ONECUT1: variants seen among roughly 807,000 people sequenced by gnomAD.
ONECUT1 encodes the protein one cut homeobox 1.
Under a neutral mutation model 25.6 loss-of-function variants are expected in ONECUT1, and 12 were observed. The observed-to-expected ratio is 0.47, with a 90% CI of 0.30 to 0.76. The LOEUF is 0.76. Among genes scored for constraint, ONECUT1 ranks in the 30% least tolerant of loss-of-function variants. The pLI is 0.07. For missense variants in ONECUT1, 620 were observed against 651.2 expected, an observed-to-expected ratio of 0.95 and a Z score of 0.52; for synonymous variants, 285 against 270.2, an observed-to-expected ratio of 1.05 and a Z score of -0.54.
At chr15:52,782,956 T>C (rs2083850804) in intron 1 of ONECUT1, among the ~76,000 whole-genome samples, 1 of 152,226 alleles carries the variant, frequency 6.6e-6, no homozygotes, top group Admixed American at 6.5e-5. Flanking sequence ...ACTTGAGGAT[T>C]TTCTGTCTTA....
chr15:52,764,367 C>T (rs1435624326), intron 1 of ONECUT1, among the ~76,000 whole-genome samples: 1 of 152,154 alleles, frequency 6.6e-6, no homozygotes, highest in African/African-American at 2.4e-5. Context: ...CACATTCAAA[C>T]CAGAGCAAAT....
intron 1 of ONECUT1, among the ~76,000 whole-genome samples, chr15:52,762,940 G>T (rs904641042): frequency 6.6e-6 from 1 of 152,056 alleles, no homozygotes; most frequent in Non-Finnish European, 1.5e-5. Flanking sequence ...ACCCCCAATT[G>T]GAGGTTATGA....
At chr15:52,775,452 A>AACACACACACAC (rs139797470) in intron 1 of ONECUT1, among the ~76,000 whole-genome samples, 40 of 141,034 alleles carry the variant, frequency 2.8e-4, no homozygotes, top group Middle Eastern at 3.7e-3. Context: ...TTTAAAGAGG[A>AACACACACACAC]ACACACACAC....
intron 1 of ONECUT1, among the ~76,000 whole-genome samples, chr15:52,777,739 A>ACAAAAAAAAAAAC (rs1566992423): frequency 8.6e-6 from 1 of 116,060 alleles, no homozygotes. Flanking sequence ...CACACACACA[A>ACAAAAAAAAAAAC]AAAAACATGT....
intron 1 of ONECUT1, among the ~76,000 whole-genome samples, chr15:52,772,539 C>T (rs1374822010): frequency 1.3e-5 from 2 of 152,076 alleles, no homozygotes; most frequent in African/African-American, 2.4e-5. Context: ...AGCTTTTTAG[C>T]GCTAATTGAC....
intron 1 of ONECUT1, among the ~76,000 whole-genome samples, chr15:52,769,641 G>A (rs1260293214): frequency 2.0e-5 from 3 of 152,194 alleles, no homozygotes; most frequent in African/African-American, 7.2e-5. Flanking sequence ...GACAGGTAAG[G>A]AGCAGACTAG....
At chr15:52,785,060 C>A (rs544746568) in intron 1 of ONECUT1, among the ~76,000 whole-genome samples, 1 of 152,352 alleles carries the variant, frequency 6.6e-6, no homozygotes, top group African/African-American at 2.4e-5. Flanking sequence ...GACCCAGGAA[C>A]GCTTCCAGCT....
At position 52,788,779 on chromosome 15, in the gene ONECUT1, C is replaced by T. The variant is rs1282737696; in HGVS notation, c.1105+1G>A. Reference sequence around the variant, plus strand: ...CGCGCCCAGCTCCTTGGCCGGCTCACCTGCTAAGCGGAGCGCGGACATGCG... The same window carrying T: ...CGCGCCCAGCTCCTTGGCCGGCTCATCTGCTAAGCGGAGCGCGGACATGCG... On this transcript the variant is annotated splice_donor_variant, in intron 1 of 1. Transcript: ENST00000305901. LOFTEE classifies it high-confidence loss of function. The surrounding 1 kb of genome is among the most constrained non-coding windows in gnomAD (Gnocchi z 4.3). The T allele has an allele frequency of 6.2e-7, 1 of 1,606,788 alleles. No individual in the cohort carries two copies. The highest frequency in any genetic ancestry group is 1.3e-5 in the African/African-American group (1 of 74,966).
At chr15:52,764,909 C>T (rs760383270) in intron 1 of ONECUT1, among the ~76,000 whole-genome samples, 59 of 152,304 alleles carry the variant, frequency 3.9e-4, no homozygotes, top group African/African-American at 1.2e-3. Context: ...AACGTCCAGG[C>T]GGCCCTCAGC....
chr15:52,763,050 T>C (rs532860985), intron 1 of ONECUT1, among the ~76,000 whole-genome samples: 1 of 152,260 alleles, frequency 6.6e-6, no homozygotes, highest in South Asian at 2.1e-4. Context: ...GCAACACACA[T>C]GTTTTATGTG....
Position 52,768,509 on chromosome 15 carries a change from TATG to T in ONECUT1, c.1106-10665_1106-10663del, listed in dbSNP as rs576586970. On this transcript the variant is annotated intron_variant, in intron 1 of 1. Coordinates refer to ENST00000305901, the MANE Select transcript of ONECUT1 (RefSeq NM_004498.4). The stretch of plus-strand genomic sequence containing the variant: ...GGAGTGATATAGATGCTCTAGTTAT[TATG>T]ATGATTCCACAAAACAGTCAAAACA... Among the ~76,000 whole-genome samples the T allele has an allele frequency of 5.9e-5, 9 of 152,312 alleles. No individual in the cohort carries two copies. In the South Asian group the frequency reaches 1.7e-3, roughly 28 times the overall value.
At chr15:52,765,482 C>G (rs751862754) in intron 1 of ONECUT1, among the ~76,000 whole-genome samples, 1 of 152,220 alleles carries the variant, frequency 6.6e-6, no homozygotes, top group South Asian at 2.1e-4. Flanking sequence ...TGAAGACCCT[C>G]TCTTGTCAGC....
chr15:52,789,970 T>C lies in ONECUT1; in HGVS notation c.-86A>G. ...GGGCGCACGGAGTCCGGTCTTCACA[T>C]CGGCTGCTGGCGACTGTTGCCTTCC... On this transcript the variant is annotated 5_prime_UTR_variant, in exon 1 of 2. It removes an upstream start codon present in the reference 5' UTR. Coordinates refer to ENST00000305901, the MANE Select transcript of ONECUT1 (RefSeq NM_004498.4). This position sits in a 1 kb window ranked among gnomAD's most constrained non-coding sequence, Gnocchi z 4.1. 5 of 1,438,542 alleles carry C rather than the reference T, an allele frequency of 3.5e-6. No individual in the cohort carries two copies. Among genetic ancestry groups the C allele is most frequent in the Non-Finnish European group, 4.5e-6 (5 of 1,103,244 alleles). The allele number at this position is 1,438,542 out of a possible 1,614,324, so 89.1% of individuals were successfully genotyped here.
At chr15:52,786,304 A>G (rs1002496758) in intron 1 of ONECUT1, among the ~76,000 whole-genome samples, 14 of 152,256 alleles carry the variant, frequency 9.2e-5, no homozygotes, top group Non-Finnish European at 1.8e-4. Context: ...GGTTCCTTGC[A>G]GGAGACCCTC....
At chr15:52,760,877 G>T (rs184939182) in intron 1 of ONECUT1, among the ~76,000 whole-genome samples, 323 of 152,242 alleles carry the variant, frequency 2.1e-3, no homozygotes, top group Middle Eastern at 3.4e-3. Flanking sequence ...CAAGATTAGG[G>T]ACAAGAATGC....
intron 1 of ONECUT1, among the ~76,000 whole-genome samples, chr15:52,762,614 C>T (rs2083712330): frequency 6.6e-6 from 1 of 152,142 alleles, no homozygotes; most frequent in African/African-American, 2.4e-5. Context: ...ACGCCCTGGC[C>T]TAGGGCCTGG....
At chr15:52,759,776 A>T (rs2252462) in intron 1 of ONECUT1, among the ~76,000 whole-genome samples, 19,820 of 48,604 alleles carry the variant, frequency 0.41, 2,722 homozygotes, top group African/African-American at 0.55. Context: ...AATTTTTTTG[A>T]ATTTTTTTTT....
At chr15:52,767,096 T>C (rs1456621303) in intron 1 of ONECUT1, among the ~76,000 whole-genome samples, 1 of 151,920 alleles carries the variant, frequency 6.6e-6, no homozygotes, top group Non-Finnish European at 1.5e-5. Context: ...AGTTGACGAA[T>C]GAGCAGCCTG....
In ONECUT1 at chr15:52,757,713, A is replaced by G. The variant is rs1046931876; in HGVS notation, c.1240T>C (p.Leu414=). 8 of 1,613,986 alleles carry G rather than the reference A, an allele frequency of 5.0e-6. No homozygotes were observed. The highest frequency in any genetic ancestry group is 4.2e-6 in the Non-Finnish European group (5 of 1,180,030). The change falls in exon 2 of 2, where the codon TTG becomes CTG. Residue 414 remains leucine, a synonymous_variant. Coordinates refer to ENST00000305901, the MANE Select transcript of ONECUT1 (RefSeq NM_004498.4). ...FKENKRPSKE[L]QITISQQLGL... ...AGCTGCTGGGAAATGGTGATTTGCA[A>G]TTCTTTGGATGGACGCTTATTTTCC...
Sources: gnomAD v4.1 joint callset for allele counts (sites outside exome capture counted in the v4.1 genomes callset) on GRCh38, gnomAD v4.1.1 for gene constraint, Gnocchi (gnomAD v3.1) non-coding constraint, MANE v1.5 for transcripts, NCBI Gene and HGNC (gene_info 2026-07-23, HGNC 2026-07-21) for gene names.